Variants in PIGN observed in about 807,000 individuals in gnomAD.
PIGN encodes the protein phosphatidylinositol glycan anchor biosynthesis class N.
A neutral mutation model predicts 125.4 loss-of-function variants in PIGN; 117 were observed. The ratio of observed to expected loss-of-function variants is 0.93; its 90% CI spans 0.80 to 1.09. The LOEUF is 1.09. Among genes scored for constraint, PIGN ranks in the 50% least tolerant of loss-of-function variants. The pLI is 0.00. For synonymous variants in PIGN, 392 were observed against 377.8 expected (o/e 1.04, Z -0.44); for missense variants, 1,075 against 1,094.9 (o/e 0.98, Z 0.26).
At chr18:62,092,211 C>T (rs2033993579) in intron 23 of PIGN, among the ~76,000 whole-genome samples, 1 of 152,018 alleles carries the variant, frequency 6.6e-6, no homozygotes, top group South Asian at 2.1e-4. Context: ...GAAAACTGTA[C>T]AAAGCAGTGC....
rs1212834048 is a variant in PIGN, at chr18:62,089,231, CATGGTAAAATTAA to C, written c.2284-402_2284-390del. Among the ~76,000 whole-genome samples the C allele has an allele frequency of 4.6e-5, 7 of 152,206 alleles. 1 individual carries two copies. The highest frequency in any genetic ancestry group is 1.7e-4 in the African/African-American group (7 of 41,560). On this transcript the variant is annotated intron_variant, in intron 24 of 30. Coordinates refer to ENST00000640252, the MANE Select transcript of PIGN (RefSeq NM_176787.5). ...CTAGATATGGTATCATATTAAAAGACATGGTAAAATTAAATGTTTGTTTATTTGTCCCTCTATT... is the reference window on the plus strand; with the variant it reads ...CTAGATATGGTATCATATTAAAAGACATGTTTGTTTATTTGTCCCTCTATT...
At chr18:62,070,648 G>A in intron 30 of PIGN, 1 of 394,516 alleles carries the variant, frequency 2.5e-6, no homozygotes, top group Non-Finnish European at 4.5e-6. Flanking sequence ...TTCTGTCTCA[G>A]AATGCATTTG....
At chr18:62,104,939 T>C (rs1477936526) in intron 20 of PIGN, 2 of 152,148 alleles carry the variant, frequency 1.3e-5, no homozygotes, top group African/African-American at 4.8e-5. Flanking sequence ...GGTAACCAGT[T>C]ATTTTATAAA....
chr18:62,171,447 T>C (rs2037342261), intron 1 of PIGN, among the ~76,000 whole-genome samples: 1 of 152,224 alleles, frequency 6.6e-6, no homozygotes, highest in African/African-American at 2.4e-5. Context: ...TCAATCTTTA[T>C]GTATTTTATT....
chr18:62,168,750 T>A (rs990216792), intron 1 of PIGN, among the ~76,000 whole-genome samples: 1 of 152,058 alleles, frequency 6.6e-6, no homozygotes, highest in Non-Finnish European at 1.5e-5. Context: ...AAACTGTACA[T>A]AAAGTGTAAT....
chr18:62,047,736 CTG>C (rs1403985809), intron 30 of PIGN, among the ~76,000 whole-genome samples: 1 of 152,116 alleles, frequency 6.6e-6, no homozygotes, highest in East Asian at 1.9e-4. Flanking sequence ...TTAAATAAGA[CTG>C]AGAATCTCAT....
rs766579368 is a variant in PIGN at position 62,056,054 on chromosome 18, T to TAAA, written c.2673-10078_2673-10076dup. Among the ~76,000 whole-genome samples the TAAA allele has an allele frequency of 7.4e-3, 725 of 97,904 alleles. 8 individuals carry two copies. The highest frequency in any genetic ancestry group is 0.02 in the African/African-American group (544 of 26,784). The allele number at this position is 97,904 out of a possible 152,430, so 64.2% of individuals were successfully genotyped here. On this transcript the variant is annotated intron_variant, in intron 30 of 30. Transcript: ENST00000640252. ...CAAAAGTAATTGTGGTTTTTGCCAC[T>TAAA]AAAAAAAAAAAAAAAGGCAAAAACC...
chr18:62,065,599 C>T (rs1315942983), intron 30 of PIGN, among the ~76,000 whole-genome samples: 3 of 151,798 alleles, frequency 2.0e-5, no homozygotes, highest in South Asian at 4.2e-4. Flanking sequence ...ATTAGCCGGG[C>T]GAGGTGGTGG....
intron 14 of PIGN, among the ~76,000 whole-genome samples, chr18:62,118,027 T>A (rs554483432): frequency 6.6e-6 from 1 of 152,276 alleles, no homozygotes; most frequent in Admixed American, 6.5e-5. Flanking sequence ...CTGCAAGTAG[T>A]ACTGCAATAA....
chr18:62,138,824 C>T (rs1398294232), intron 13 of PIGN, among the ~76,000 whole-genome samples, 159 bp downstream of exon 13: 1 of 152,084 alleles, frequency 6.6e-6, no homozygotes, highest in Middle Eastern at 3.2e-3. Flanking sequence ...TAGAACCTAC[C>T]CTTCAGAAAT....
rs373274693 is a variant in PIGN at position 62,181,786 on chromosome 18, G to A, written c.-236+5058C>T. Reference sequence around the variant, plus strand: ...CTATCGCCCAGGCTGGAGTGCAGTGGCGCGATCTCGGCTCACTGCAACCTC... The same window carrying A: ...CTATCGCCCAGGCTGGAGTGCAGTGACGCGATCTCGGCTCACTGCAACCTC... On this transcript the variant is annotated intron_variant, in intron 1 of 30. Transcript: ENST00000640252. 1.5e-4 allele frequency among the ~76,000 whole-genome samples: 23 copies of A among 152,120 alleles called. No individual in the cohort carries two copies. In the East Asian group the frequency reaches 4.3e-3, roughly 28 times the overall value.
At chr18:62,075,525 T>C (rs2033125724) in intron 28 of PIGN, 1 of 152,222 alleles carries the variant, frequency 6.6e-6, no homozygotes, top group Admixed American at 6.5e-5. Context: ...AATGGGTCAT[T>C]TACTTTTATG....
At position 62,157,342 on chromosome 18, in the gene PIGN, T is replaced by G. The variant is rs767123461; in HGVS notation, c.344-115A>C. On this transcript the variant is annotated intron_variant, in intron 5 of 30. Coordinates refer to ENST00000640252, the MANE Select transcript of PIGN (RefSeq NM_176787.5). ...AGTCAGTGAATAAATGCAAAACTAA[T>G]AGATTTTATATTATGCATATTATAC... The G allele has an allele frequency of 1.2e-3, 670 of 564,260 alleles. 1 individual carries two copies. Among genetic ancestry groups the G allele is most frequent in the Non-Finnish European group, 1.8e-3 (580 of 322,498 alleles). The allele number at this position is 564,260 out of a possible 1,614,324, so 35.0% of individuals were successfully genotyped here. A position where few individuals can be genotyped will look rare whatever the true frequency, so the allele number is the denominator to read the frequency against.
intron 1 of PIGN, among the ~76,000 whole-genome samples, chr18:62,177,200 T>C (rs1479125209): frequency 3.9e-5 from 6 of 152,138 alleles, no homozygotes; most frequent in Non-Finnish European, 7.4e-5. Flanking sequence ...TTTGTTCACT[T>C]TTCTTCATTT....
At chr18:62,100,094 AT>A (rs2034375686) in intron 22 of PIGN, among the ~76,000 whole-genome samples, 1 of 152,226 alleles carries the variant, frequency 6.6e-6, no homozygotes, top group African/African-American at 2.4e-5. Context: ...ACCAAAATAT[AT>A]AAAAAGTACA....
At chr18:62,154,754 T>C in intron 6 of PIGN, 103 bp from the exon 7 acceptor site, 1 of 670,690 alleles carries the variant, frequency 1.5e-6, no homozygotes, top group Non-Finnish European at 2.6e-6. Context: ...ACCAGAATTT[T>C]CACAAAGCAT....
At chr18:62,058,553 G>T (rs1181201510) in intron 30 of PIGN, among the ~76,000 whole-genome samples, 1 of 152,100 alleles carries the variant, frequency 6.6e-6, no homozygotes, top group Non-Finnish European at 1.5e-5. Flanking sequence ...ACTCACATGG[G>T]GAAATGGTTA....
intron 30 of PIGN, among the ~76,000 whole-genome samples, chr18:62,056,439 G>T (rs572948975): frequency 3.3e-5 from 5 of 152,108 alleles, no homozygotes; most frequent in South Asian, 2.1e-4. Context: ...TCTTCTCTGA[G>T]TCAAACCAAT....
downstream of PIGN, among the ~76,000 whole-genome samples, chr18:62,036,265 C>CT (rs199703291): frequency 1.7e-3 from 248 of 147,892 alleles, 1 homozygote; most frequent in African/African-American, 5.6e-3. Flanking sequence ...TCCCAGTATA[C>CT]TTTTTTTTTT....
Sources: allele counts gnomAD v4.1 joint callset (sites outside exome capture counted in the v4.1 genomes callset), GRCh38; gene constraint gnomAD v4.1.1; transcripts MANE v1.5; gene names NCBI Gene and HGNC (gene_info 2026-07-23, HGNC 2026-07-21).